The following DOCK4 variants were observed in gnomAD, a reference collection of about 807,000 sequenced individuals.
The protein encoded by DOCK4 is dedicator of cytokinesis protein 4.
A neutral mutation model predicts 268.1 loss-of-function variants in DOCK4; 97 were observed. The ratio of observed to expected loss-of-function variants is 0.36; its 90% CI spans 0.31 to 0.43. The LOEUF is 0.43. Ranked by LOEUF, DOCK4 falls within the 20% of genes least tolerant of loss-of-function variation. The pLI is 1.00. For synonymous variants in DOCK4, 954 were observed against 887.2 expected (o/e 1.08, Z -1.34); for missense variants, 2,145 against 2,455.7 (o/e 0.87, Z 2.67).
At chr7:112,082,425 G>A (rs1360249770) in intron 1 of DOCK4, among the ~76,000 whole-genome samples, 1 of 152,128 alleles carries the variant, frequency 6.6e-6, no homozygotes, top group Non-Finnish European at 1.5e-5. Context: ...TAGAAATAGC[G>A]GGGGTGGTTG....
intron 1 of DOCK4, among the ~76,000 whole-genome samples, chr7:112,090,293 T>C (rs762980438): frequency 6.6e-6 from 1 of 152,156 alleles, no homozygotes; most frequent in Non-Finnish European, 1.5e-5. Context: ...TCTAATTATA[T>C]TTTGAGATTG....
intron 10 of DOCK4, among the ~76,000 whole-genome samples, chr7:111,942,787 T>C (rs1163218487): frequency 3.3e-5 from 5 of 152,160 alleles, no homozygotes; most frequent in Admixed American, 1.3e-4. Flanking sequence ...CCCTAGCAAA[T>C]AGGGGAACAA....
intron 1 of DOCK4, among the ~76,000 whole-genome samples, chr7:112,136,058 T>C (rs1025595801): frequency 7.2e-5 from 11 of 152,176 alleles, no homozygotes; most frequent in African/African-American, 2.7e-4. Context: ...AGGGGAATTA[T>C]TTGGGCCAAT....
At position 112,111,535 on chromosome 7, in the gene DOCK4, AT is replaced by A. The variant is rs34716586; in HGVS notation, c.37+94566del. ...TTCACAAGTCTTTTGTTATCTTGCCATTTTTTTTATTTTAATTCTAGACAGT... is the reference window on the plus strand; with the variant it reads ...TTCACAAGTCTTTTGTTATCTTGCCATTTTTTTATTTTAATTCTAGACAGT... On this transcript the variant is annotated intron_variant, in intron 1 of 52. Coordinates refer to ENST00000428084, the MANE Select transcript of DOCK4 (RefSeq NM_001363540.2). 7.9e-5 allele frequency among the ~76,000 whole-genome samples: 12 copies of A among 151,938 alleles called. No homozygotes were observed. In the South Asian group the frequency reaches 1.2e-3, roughly 16 times the overall value.
intron 1 of DOCK4, among the ~76,000 whole-genome samples, chr7:112,178,152 A>T (rs931480836): frequency 1.3e-5 from 2 of 152,230 alleles, no homozygotes; most frequent in African/African-American, 4.8e-5. Flanking sequence ...CCTTCATCAC[A>T]GTTACAGGTG....
At chr7:112,036,147 A>C (rs1803734201) in intron 1 of DOCK4, among the ~76,000 whole-genome samples, 1 of 152,194 alleles carries the variant, frequency 6.6e-6, no homozygotes, top group Non-Finnish European at 1.5e-5. Flanking sequence ...CAAGCATAAA[A>C]ACAAAAGGCA....
chr7:111,897,191 C>T (rs1465914204), intron 15 of DOCK4, among the ~76,000 whole-genome samples: 1 of 152,046 alleles, frequency 6.6e-6, no homozygotes, highest in Non-Finnish European at 1.5e-5. Context: ...TCACTAAAAC[C>T]ACTTGTCAGG....
At chr7:112,165,806 T>C (rs916506064) in intron 1 of DOCK4, among the ~76,000 whole-genome samples, 1 of 152,124 alleles carries the variant, frequency 6.6e-6, no homozygotes, top group African/African-American at 2.4e-5. Flanking sequence ...TGAGAACACC[T>C]AGGAATCATT....
intron 26 of DOCK4, among the ~76,000 whole-genome samples, chr7:111,828,895 T>C (rs1038537678): frequency 2.0e-5 from 3 of 150,194 alleles, no homozygotes; most frequent in African/African-American, 7.3e-5. Flanking sequence ...TGTGTATATA[T>C]ATATATATAT....
At chr7:111,731,125 C>T (rs1795056668) in intron 52 of DOCK4, among the ~76,000 whole-genome samples, 1 of 152,158 alleles carries the variant, frequency 6.6e-6, no homozygotes, top group Admixed American at 6.5e-5. Flanking sequence ...ACAGGTACTT[C>T]ATAATAACAG....
At chr7:111,773,684 G>T (rs529700800) in intron 36 of DOCK4, among the ~76,000 whole-genome samples, 1 of 152,040 alleles carries the variant, frequency 6.6e-6, no homozygotes, top group African/African-American at 2.4e-5. Flanking sequence ...CACATTGCTA[G>T]GCACTATTCT....
At chr7:111,795,302 C>A (rs1044978386) in intron 30 of DOCK4, among the ~76,000 whole-genome samples, 2 of 136,670 alleles carry the variant, frequency 1.5e-5, no homozygotes, top group Non-Finnish European at 2.9e-5. Flanking sequence ...TCTAAACAAA[C>A]AAACAAACAA....
At chr7:111,743,705 T>C (rs1333988513) in intron 44 of DOCK4, among the ~76,000 whole-genome samples, 1 of 152,156 alleles carries the variant, frequency 6.6e-6, no homozygotes, top group Non-Finnish European at 1.5e-5. Flanking sequence ...GATTGATGCC[T>C]GTCAGGGGGA....
chr7:112,104,695 G>C (rs1477741460), intron 1 of DOCK4, among the ~76,000 whole-genome samples: 12 of 152,078 alleles, frequency 7.9e-5, no homozygotes, highest in Admixed American at 7.2e-4. Flanking sequence ...TTTTAAATTT[G>C]TGCTAAGAAA....
At chr7:111,983,953 C>T (rs899172086) in intron 7 of DOCK4, among the ~76,000 whole-genome samples, 2 of 151,990 alleles carry the variant, frequency 1.3e-5, no homozygotes, top group Non-Finnish European at 2.9e-5. Flanking sequence ...AGACGAAACA[C>T]CCATTAGTTA....
intron 1 of DOCK4, among the ~76,000 whole-genome samples, chr7:112,193,206 T>G (rs1473080250): frequency 6.6e-6 from 1 of 152,156 alleles, no homozygotes; most frequent in East Asian, 1.9e-4. Context: ...GCACCCAAAG[T>G]GATGTGACAA....
intron 1 of DOCK4, among the ~76,000 whole-genome samples, chr7:112,023,234 C>T (rs572742415): frequency 6.6e-6 from 1 of 152,124 alleles, no homozygotes. Flanking sequence ...AGCTGAGAAG[C>T]CTTTTCTACG....
chr7:111,835,986 C>A (rs753756380), intron 25 of DOCK4, among the ~76,000 whole-genome samples: 1 of 152,020 alleles, frequency 6.6e-6, no homozygotes, highest in Non-Finnish European at 1.5e-5. Flanking sequence ...CAGTGTGGGC[C>A]AGAAGAAACA....
At chr7:111,864,488 A>G (rs1207670263) in intron 22 of DOCK4, among the ~76,000 whole-genome samples, 1 of 152,230 alleles carries the variant, frequency 6.6e-6, no homozygotes, top group Non-Finnish European at 1.5e-5. Flanking sequence ...CGTACCAATG[A>G]GATCTGACTC....
Sources: allele counts gnomAD v4.1 joint callset (sites outside exome capture counted in the v4.1 genomes callset), GRCh38; gene constraint gnomAD v4.1.1; transcripts MANE v1.5; gene names NCBI Gene and HGNC (gene_info 2026-07-23, HGNC 2026-07-21).